BRME1: variants seen among roughly 807,000 people sequenced by gnomAD.
BRME1 encodes the protein break repair meiotic recombinase recruitment factor 1, also known as BRCA2 and MEILB2-associating protein 1.
Under a neutral mutation model 52.6 loss-of-function variants are expected in BRME1, and 31 were observed. That is an observed-to-expected ratio of 0.59 (90% CI 0.44 to 0.80). The LOEUF is 0.80. Among genes scored for constraint, BRME1 ranks in the 30% least tolerant of loss-of-function variants. BRME1 has a pLI of 0.00. For synonymous variants in BRME1, 359 were observed against 353.6 expected (o/e 1.02, Z -0.17); for missense variants, 804 against 860.3 (o/e 0.93, Z 0.82).
intron 2 of BRME1, among the ~76,000 whole-genome samples, chr19:13,896,061 G>C (rs1969866246): frequency 6.6e-6 from 1 of 152,178 alleles, no homozygotes; most frequent in Non-Finnish European, 1.5e-5. Context: ...CCTAAGGTCA[G>C]GAGTTCAAGA....
intron 2 of BRME1, among the ~76,000 whole-genome samples, chr19:13,900,439 G>A (rs1970219416): frequency 6.6e-6 from 1 of 152,104 alleles, no homozygotes; most frequent in African/African-American, 2.4e-5. Context: ...CCCCTCCAAG[G>A]TCAGAGAAAT....
chr19:13,889,368 G>A lies in BRME1; in HGVS notation c.1488C>T (p.Pro496=), dbSNP rs143008219. ...REIADDPLQE[P]GAQQGIPDTT... The stretch of plus-strand genomic sequence containing the variant: ...TGTCTGGAATGCCCTGCTGAGCCCC[G>A]GGCTCCTGGAGAGGGTCGTCTGCTA... The change falls in exon 6 of 9, where the codon CCC becomes CCT. Residue 496 remains proline, a synonymous_variant. Transcript: ENST00000586783. The A allele has an allele frequency of 3.1e-4, 506 of 1,613,964 alleles. 1 individual carries two copies. Among genetic ancestry groups the A allele is most frequent in the Admixed American group, 1.6e-3 (97 of 59,992 alleles).
chr19:13,895,569 T>A (rs374320676), intron 2 of BRME1, 23 bp from the exon 3 acceptor site: 3 of 1,600,542 alleles, frequency 1.9e-6, no homozygotes, highest in Non-Finnish European at 2.6e-6. Context: ...CAGAGGAAGA[T>A]GAAGGGGTGG....
rs573709719 is a variant in BRME1, at chr19:13,889,692, G to T, written c.1164C>A (p.Thr388=). The change falls in exon 6 of 9, where the codon ACC becomes ACA. Residue 388 remains threonine, a synonymous_variant. Transcript: ENST00000586783. ...CTCCTGTGGTTTCCCCAGTGAGCGA[G>T]GTGCAGCCTGGCAAGGCCCTCCTGT... The part of the protein sequence containing the change: ...GGHRRALPGC[T]SLTGETTGES... The T allele has an allele frequency of 6.2e-7, 1 of 1,609,540 alleles. No homozygotes were observed. The highest frequency in any genetic ancestry group is 1.3e-5 in the African/African-American group (1 of 75,020).
At chr19:13,904,594 A>G (rs1457365498) in intron 2 of BRME1, among the ~76,000 whole-genome samples, 4 of 151,752 alleles carry the variant, frequency 2.6e-5, no homozygotes, top group Non-Finnish European at 5.9e-5. Flanking sequence ...GGCATGTGCC[A>G]CAACACCTGG....
chr19:13,890,249 C>T lies in BRME1; in HGVS notation c.607G>A (p.Ala203Thr), dbSNP rs1318652459. The change falls in exon 6 of 9, where the codon GCC (alanine) becomes ACC (threonine). Residue 203 changes from alanine to threonine, a missense_variant. This residue lies in a region of BRME1 where 234 missense variants were observed against 258.1 expected (regional missense o/e 0.91). Transcript: ENST00000586783. ...DPPDRGTGLS[A>T]SQRASQDHLS... ...TGGTCTTGGCTGGCCCTCTGTGAGG[C>T]GGACAACCCCGTCCCCCTGTCTGGA... 44 of 1,614,020 alleles carry T rather than the reference C, an allele frequency of 2.7e-5. No individual in the cohort carries two copies. The highest frequency in any genetic ancestry group is 3.6e-5 in the Non-Finnish European group (43 of 1,179,934).
rs1467034509 is a variant in BRME1, at chr19:13,890,056, C to T, written c.800G>A (p.Gly267Glu). The change falls in exon 6 of 9, where the codon GGA (glycine) becomes GAA (glutamate). Residue 267 changes from glycine (G) to glutamate (E), a missense_variant. Gly to Glu is a moderately conservative substitution (Grantham distance 98). This residue lies in a region of BRME1 where 552 missense variants were observed against 561.1 expected (regional missense o/e 0.98). Transcript: ENST00000586783. ...AQRTAGAGLP[G>E]GPQEEGDGVP... ...ACCGTCTCCCTCCTCCTGGGGCCCT[C>T]CAGGCAGGCCAGCCCCTGCTGTCCT... 2 of 1,613,602 alleles carry T rather than the reference C, an allele frequency of 1.2e-6. No homozygotes were observed. The highest frequency in any genetic ancestry group is 1.3e-5 in the African/African-American group (1 of 75,048).
At chr19:13,895,612 A>G in intron 2 of BRME1, 66 bp from the exon 3 acceptor site, 1 of 1,434,810 alleles carries the variant, frequency 7.0e-7, no homozygotes, top group African/African-American at 1.4e-5. Flanking sequence ...CTGACAACTC[A>G]GGTCTCCCCC....
At position 13,895,379 on chromosome 19, in the gene BRME1, C is replaced by T. The variant is rs765683700; in HGVS notation, c.199G>A (p.Val67Ile). 6.2e-6 allele frequency: 10 copies of T among 1,612,546 alleles called. No individual in the cohort carries two copies. Among genetic ancestry groups the T allele is most frequent in the African/African-American group, 2.7e-5 (2 of 74,856 alleles). The change falls in exon 3 of 9, where the codon GTC becomes ATC. Residue 67 changes from valine to isoleucine, a missense_variant. Val to Ile is a conservative substitution (Grantham distance 29). This residue lies in a region of BRME1 where 234 missense variants were observed against 258.1 expected (regional missense o/e 0.91). Coordinates refer to ENST00000586783, the MANE Select transcript of BRME1 (RefSeq NM_001345843.2). ...QQHGEEPGKA[V>I]SSSPDEETGS... is the part of the protein sequence containing the mutation. Reference sequence around the variant, plus strand: ...ATGTTCAGAGCCACCTACCTGGAGACGGCCTTTCCTGGTTCCTCCCCGTGC... The same window carrying T: ...ATGTTCAGAGCCACCTACCTGGAGATGGCCTTTCCTGGTTCCTCCCCGTGC...
At position 13,892,785 on chromosome 19, in the gene BRME1, C is replaced by T. The variant is rs778039760; in HGVS notation, c.393+1G>A. The T allele has an allele frequency of 6.2e-7, 1 of 1,611,670 alleles. No homozygotes were observed. The highest frequency in any genetic ancestry group is 1.7e-5 in the Admixed American group (1 of 60,020). On this transcript the variant is annotated splice_donor_variant, in intron 5 of 8. Transcript: ENST00000586783. LOFTEE classifies it high-confidence loss of function. ...CAGCCTGGCTGATTTTAGAGCCTTA[C>T]CAGGCTAAAGGCCCCACTCCCACGG...
chr19:13,902,487 T>C (rs1970363104), intron 2 of BRME1, among the ~76,000 whole-genome samples: 2 of 149,018 alleles, frequency 1.3e-5, no homozygotes. Context: ...TACAAAAAAA[T>C]TAGCTGGGCA....
At chr19:13,905,447 G>A (rs751569450) in intron 1 of BRME1, among the ~76,000 whole-genome samples, 1 of 151,282 alleles carries the variant, frequency 6.6e-6, no homozygotes, top group Non-Finnish European at 1.5e-5. Flanking sequence ...GGCAGAGGTT[G>A]CAGTGAGCCG....
At chr19:13,901,697 CAAA>C (rs1198719083) in intron 2 of BRME1, among the ~76,000 whole-genome samples, 2 of 82,644 alleles carry the variant, frequency 2.4e-5, no homozygotes. Context: ...AGACTGTCTC[CAAA>C]AAAAAAAAAA....
intron 2 of BRME1, among the ~76,000 whole-genome samples, chr19:13,903,160 AG>A (rs900773227): frequency 1.3e-5 from 2 of 152,188 alleles, no homozygotes; most frequent in African/African-American, 2.4e-5. Flanking sequence ...TGTTAACAGC[AG>A]TGTACATTTG....
At chr19:13,891,135 T>TTTTTTTTTTTTATTATTATTATTATTA (rs59151567) in intron 5 of BRME1, among the ~76,000 whole-genome samples, 1 of 146,634 alleles carries the variant, frequency 6.8e-6, no homozygotes, top group African/African-American at 2.6e-5. Flanking sequence ...CAATTTCCTG[T>TTTTTTTTTTTTATTATTATTATTATTA]TTATTATTAT....
rs868594253 is a variant in BRME1 at position 13,891,167 on chromosome 19, T to C, written c.394-705A>G. Among the ~76,000 whole-genome samples the C allele has an allele frequency of 4.6e-5, 7 of 151,040 alleles. No individual in the cohort carries two copies. In the Middle Eastern group the frequency reaches 0.014, roughly 300 times the overall value. ...TTATTATTATTATTATTATTATTAT[T>C]AGACAGAGTTTCACTCTTGTTGCCC... On this transcript the variant is annotated intron_variant, in intron 5 of 8. Transcript: ENST00000586783.
chr19:13,886,048 G>A lies in BRME1; in HGVS notation c.1676C>T (p.Pro559Leu). Residue 559 changes from proline (P) to leucine (L), a missense_variant, in exon 7 of 9, where the codon CCT becomes CTT. By Grantham distance (98) the Pro-to-Leu change is moderately conservative. This residue lies in a region of BRME1 where 552 missense variants were observed against 561.1 expected (regional missense o/e 0.98). Transcript: ENST00000586783. ...DFEAPPEQLFPSGNKPGPCWP... is the reference protein window; with the variant it reads ...DFEAPPEQLFLSGNKPGPCWP... ...GCAAGGGCCCGGCTTGTTCCCCGAA[G>A]GAAAGAGCTGGAAAGAGAGCACAAG... 6.2e-7 allele frequency: 1 copy of A among 1,613,790 alleles called. No individual in the cohort carries two copies. Among genetic ancestry groups the A allele is most frequent in the African/African-American group, 1.3e-5 (1 of 75,064 alleles).
intron 2 of BRME1, among the ~76,000 whole-genome samples, chr19:13,895,866 G>A (rs924276601): frequency 1.3e-5 from 2 of 152,226 alleles, no homozygotes; most frequent in African/African-American, 4.8e-5. Flanking sequence ...CTGAAGAGGT[G>A]ATGCTTTGGC....
chr19:13,889,502 G>C lies in BRME1; in HGVS notation c.1354C>G (p.Pro452Ala), dbSNP rs780233198. Residue 452 changes from proline to alanine, a missense_variant, in exon 6 of 9, where the codon CCA (proline) becomes GCA (alanine). By Grantham distance (27) the Pro-to-Ala change is conservative. This residue lies in a region of BRME1 where 552 missense variants were observed against 561.1 expected (regional missense o/e 0.98). Transcript: ENST00000586783. ...TCGGCTTCCTCTTGAGCAGGACCTGGCTCCTGCTTCTGATTGACACATGGA... is the reference window on the plus strand; with the variant it reads ...TCGGCTTCCTCTTGAGCAGGACCTGCCTCCTGCTTCTGATTGACACATGGA... ...TGPCVNQKQE[P>A]GPAQEEAELG... 6.2e-7 allele frequency: 1 copy of C among 1,613,894 alleles called. No homozygotes were observed. Among genetic ancestry groups the C allele is most frequent in the Non-Finnish European group, 8.5e-7 (1 of 1,180,016 alleles).
Sources: allele counts gnomAD v4.1 joint callset (sites outside exome capture counted in the v4.1 genomes callset), GRCh38; gene constraint gnomAD v4.1.1; regional missense constraint gnomAD v4.1.1; transcripts MANE v1.5; gene names NCBI Gene and HGNC (gene_info 2026-07-23, HGNC 2026-07-21).